TEX26: variants seen among roughly 807,000 people sequenced by gnomAD.
TEX26 encodes the protein testis-expressed protein 26.
In TEX26, 34 loss-of-function variants were observed where a neutral mutation model predicts 35.3. The ratio of observed to expected loss-of-function variants is 0.96; its 90% CI spans 0.73 to 1.28. TEX26 has a LOEUF of 1.28. Among genes scored for constraint, TEX26 ranks in the 50% most tolerant of loss-of-function variants. TEX26 has a pLI of 0.00. For missense variants in TEX26, 371 were observed against 330.1 expected (o/e 1.12, Z -0.96); for synonymous variants, 136 against 111.8 (o/e 1.22, Z -1.36).
chr13:30,968,923 C>T lies in TEX26; in HGVS notation c.685C>T (p.His229Tyr). Residue 229 changes from histidine to tyrosine, a missense_variant, in exon 6 of 7, where the codon CAC becomes TAC. Coordinates refer to ENST00000380473, the MANE Select transcript of TEX26 (RefSeq NM_152325.3). Reference protein sequence around the residue: ...VLHSYLRNQEHTKKQTTYQSD... With the variant: ...VLHSYLRNQEYTKKQTTYQSD... ...GCACAGCTACCTGAGGAACCAAGAG[C>T]ACACAAAGAAACAGACCACATACCA... 1 of 1,614,036 alleles carries T rather than the reference C, an allele frequency of 6.2e-7. No homozygotes were observed. Among genetic ancestry groups the T allele is most frequent in the East Asian group, 2.2e-5 (1 of 44,872 alleles).
At chr13:30,961,312 G>A (rs1233704921) in intron 4 of TEX26, among the ~76,000 whole-genome samples, 1 of 152,226 alleles carries the variant, frequency 6.6e-6, no homozygotes, top group Non-Finnish European at 1.5e-5. Context: ...TTATGAAGGT[G>A]ATCCGGGAAG....
chr13:30,951,568 A>G (rs1170029414), intron 2 of TEX26, among the ~76,000 whole-genome samples: 2 of 152,174 alleles, frequency 1.3e-5, no homozygotes, highest in African/African-American at 4.8e-5. Flanking sequence ...GGAACACACA[A>G]CAAATCCCCC....
chr13:30,960,215 T>G (rs1020740253), intron 4 of TEX26, among the ~76,000 whole-genome samples: 1 of 152,210 alleles, frequency 6.6e-6, no homozygotes, highest in African/African-American at 2.4e-5. Flanking sequence ...TTTGTTCTGT[T>G]TATTTGAAAA....
chr13:30,956,780 T>C, intron 3 of TEX26, 93 bp from the exon 4 acceptor site: 1 of 1,188,758 alleles, frequency 8.4e-7, no homozygotes, highest in Non-Finnish European at 1.2e-6. Flanking sequence ...TTGTAAAGGA[T>C]TCTGAAGAAT....
intron 4 of TEX26, among the ~76,000 whole-genome samples, chr13:30,962,784 T>A (rs1231391594): frequency 1.3e-5 from 2 of 152,018 alleles, no homozygotes; most frequent in East Asian, 3.9e-4. Context: ...TGACTATAGG[T>A]TATGTGTCAA....
chr13:30,965,752 G>A (rs1263961911), intron 4 of TEX26, among the ~76,000 whole-genome samples: 2 of 152,014 alleles, frequency 1.3e-5, no homozygotes, highest in African/African-American at 2.4e-5. Context: ...CCAGGTAATA[G>A]GGATGATATA....
chr13:30,940,483 G>C (rs374460032), intron 2 of TEX26, among the ~76,000 whole-genome samples: 1 of 151,304 alleles, frequency 6.6e-6, no homozygotes, highest in Non-Finnish European at 1.5e-5. Flanking sequence ...ACAGGCGCCC[G>C]CCACCACACC....
chr13:30,956,326 C>G (rs568033158), intron 3 of TEX26, among the ~76,000 whole-genome samples: 1 of 151,980 alleles, frequency 6.6e-6, no homozygotes, highest in South Asian at 2.1e-4. Context: ...TCATCCATGT[C>G]CCTACAAAGG....
intron 2 of TEX26, among the ~76,000 whole-genome samples, chr13:30,944,479 C>G (rs1953629879): frequency 6.6e-6 from 1 of 151,432 alleles, no homozygotes; most frequent in East Asian, 1.9e-4. Flanking sequence ...TTTTCTTGTA[C>G]TAGCTTTGGG....
rs565960373 is a variant in TEX26 at position 30,953,753 on chromosome 13, G to A, written c.312+928G>A. 2.6e-5 allele frequency among the ~76,000 whole-genome samples: 4 copies of A among 152,278 alleles called. No homozygotes were observed. In the East Asian group the frequency reaches 5.8e-4, roughly 22 times the overall value. On this transcript the variant is annotated intron_variant, in intron 3 of 6. Transcript: ENST00000380473. Reference sequence around the variant, plus strand: ...CCTGGGTGGAAATAGCTGATTCTCCGTGTGTGTTTTCTTGTCTTTCTATTC... The same window carrying A: ...CCTGGGTGGAAATAGCTGATTCTCCATGTGTGTTTTCTTGTCTTTCTATTC...
At chr13:30,936,586 G>A (rs903556532) in intron 1 of TEX26, 2 of 740,880 alleles carry the variant, frequency 2.7e-6, no homozygotes, top group Non-Finnish European at 3.3e-6. Flanking sequence ...TGTTCCCTGT[G>A]ACACATAGGA....
chr13:30,961,772 G>A (rs370188933), intron 4 of TEX26, among the ~76,000 whole-genome samples: 16 of 152,214 alleles, frequency 1.1e-4, no homozygotes, highest in South Asian at 6.2e-4. Flanking sequence ...CAACTTTTGA[G>A]CATCATTTAA....
rs75519177 is a variant in TEX26 at position 30,944,303 on chromosome 13, G to A, written c.146+4525G>A. 8.9e-3 allele frequency among the ~76,000 whole-genome samples: 1,350 copies of A among 151,852 alleles called. 21 individuals are homozygous for A. The highest frequency in any genetic ancestry group is 0.03 in the African/African-American group (1,256 of 41,460). ...ATAATTCTGTGGTGTCAGTTGAAAT[G>A]TCTCTAGTTCCATTTCAAATTGAGT... On this transcript the variant is annotated intron_variant, in intron 2 of 6. Coordinates refer to ENST00000380473, the MANE Select transcript of TEX26 (RefSeq NM_152325.3).
chr13:30,933,314 T>C (rs1953145126), intron 1 of TEX26: 1 of 152,412 alleles, frequency 6.6e-6, no homozygotes. Context: ...CCTGAATTGA[T>C]TTTTCTTCCA....
At chr13:30,970,004 G>A (rs1954662041) in intron 6 of TEX26, among the ~76,000 whole-genome samples, 1 of 152,034 alleles carries the variant, frequency 6.6e-6, no homozygotes, top group African/African-American at 2.4e-5. Flanking sequence ...AGGGCTCTCT[G>A]TCTCTTGTCT....
chr13:30,945,035 A>T (rs1411538404), intron 2 of TEX26, among the ~76,000 whole-genome samples: 5 of 151,870 alleles, frequency 3.3e-5, no homozygotes. Flanking sequence ...AGTGCTGTCA[A>T]TGGAGTGTTG....
intron 1 of TEX26, chr13:30,936,814 G>A: frequency 2.0e-6 from 2 of 985,356 alleles, no homozygotes; most frequent in Non-Finnish European, 2.4e-6. Context: ...TACACAAAAG[G>A]ACATTGAGAT....
At position 30,951,418 on chromosome 13, in the gene TEX26, T is replaced by G. The variant is rs537885567; in HGVS notation, c.147-1242T>G. 5.9e-5 allele frequency among the ~76,000 whole-genome samples: 9 copies of G among 152,206 alleles called. No individual in the cohort carries two copies. The South Asian group carries it at 1.9e-3, about 32-fold the overall frequency. ...CCCTTTGGAAACTCTCCAGTTTATA[T>G]CTGAATGGCAATAGAATGATCATCC... On this transcript the variant is annotated intron_variant, in intron 2 of 6. Coordinates refer to ENST00000380473, the MANE Select transcript of TEX26 (RefSeq NM_152325.3).
chr13:30,942,368 A>AT (rs1370871479), intron 2 of TEX26, among the ~76,000 whole-genome samples: 1 of 151,084 alleles, frequency 6.6e-6, no homozygotes, highest in Non-Finnish European at 1.5e-5. Flanking sequence ...TTTTGATAGG[A>AT]TTTTTTTCTT....
Sources: gnomAD v4.1 joint callset for allele counts (sites outside exome capture counted in the v4.1 genomes callset) on GRCh38, gnomAD v4.1.1 for gene constraint, MANE v1.5 for transcripts, NCBI Gene and HGNC (gene_info 2026-07-23, HGNC 2026-07-21) for gene names.